DIAPH2: variants seen among roughly 807,000 people sequenced by gnomAD.
DIAPH2 encodes the protein protein diaphanous homolog 2.
DIAPH2 carries 35 observed loss-of-function variants against 92.7 expected under a neutral mutation model. The ratio of observed to expected loss-of-function variants is 0.38; its 90% CI spans 0.29 to 0.50. The LOEUF is 0.50. DIAPH2 is among the 20% of genes least tolerant of loss of function. The pLI, the probability that DIAPH2 is intolerant of heterozygous loss-of-function variation, is 0.94. For missense variants in DIAPH2, 701 were observed against 819.5 expected (o/e 0.86, Z 1.77); for synonymous variants, 301 against 280.4 (o/e 1.07, Z -0.73).
intron 26 of DIAPH2, among the ~76,000 whole-genome samples, chrX:97,506,393 C>T (rs1276981265): frequency 6.6e-5 from 7 of 106,423 alleles, no homozygotes; most frequent in Non-Finnish European, 9.6e-5. Context: ...TCAGGTGATC[C>T]GCCCACCTTG....
chrX:97,253,591 C>CA (rs1343877286), intron 23 of DIAPH2, among the ~76,000 whole-genome samples: 4 of 106,124 alleles, frequency 3.8e-5, no homozygotes, highest in South Asian at 4.2e-4. Flanking sequence ...ACTAAAACTA[C>CA]AAAAAAAAAT....
intron 9 of DIAPH2, among the ~76,000 whole-genome samples, chrX:96,923,736 G>A (rs1452855898): frequency 9.0e-6 from 1 of 110,840 alleles, no homozygotes; most frequent in African/African-American, 3.3e-5. Context: ...ACTGAAACTG[G>A]AATGCAAATG....
chrX:96,958,376 A>G (rs2065826119), intron 16 of DIAPH2, among the ~76,000 whole-genome samples: 1 of 112,176 alleles, frequency 8.9e-6, no homozygotes, highest in South Asian at 3.7e-4. Context: ...GTAGAGAATA[A>G]TATTTGAAAT....
At chrX:97,476,271 T>C (rs1248076498) in intron 26 of DIAPH2, among the ~76,000 whole-genome samples, 2 of 111,866 alleles carry the variant, frequency 1.8e-5, no homozygotes, top group Admixed American at 9.5e-5. Context: ...CCACACGGAG[T>C]TAAGAGAAGT....
intron 4 of DIAPH2, among the ~76,000 whole-genome samples, chrX:96,879,823 G>A (rs1354482901): frequency 1.8e-5 from 2 of 110,356 alleles, no homozygotes; most frequent in Non-Finnish European, 3.8e-5. Flanking sequence ...TCCACCTCCC[G>A]GGTTCAAGCT....
chrX:97,111,925 GAATCA>G (rs1273062975), intron 20 of DIAPH2, among the ~76,000 whole-genome samples: 1 of 112,242 alleles, frequency 8.9e-6, no homozygotes, highest in Non-Finnish European at 1.9e-5. Context: ...ATTGTTTTGA[GAATCA>G]AATCAGTTAA....
chrX:96,856,633 T>C (rs1185827543), intron 4 of DIAPH2, among the ~76,000 whole-genome samples: 1 of 110,343 alleles, frequency 9.1e-6, no homozygotes, highest in Non-Finnish European at 1.9e-5. Context: ...ATAAGCTTAC[T>C]GATCATTCAA....
chrX:97,387,187 T>C (rs2069611599), intron 25 of DIAPH2, among the ~76,000 whole-genome samples: 1 of 111,407 alleles, frequency 9.0e-6, no homozygotes, highest in Non-Finnish European at 1.9e-5. Context: ...GCAGAAAGAA[T>C]GTATTAGAAG....
chrX:97,208,518 A>G (rs2067815530), intron 22 of DIAPH2, among the ~76,000 whole-genome samples: 1 of 111,981 alleles, frequency 8.9e-6, no homozygotes, highest in South Asian at 3.7e-4. Flanking sequence ...ATTAGCTACT[A>G]TTAGATAAGG....
intron 5 of DIAPH2, among the ~76,000 whole-genome samples, chrX:96,909,025 C>A (rs914129980): frequency 8.9e-6 from 1 of 111,850 alleles, no homozygotes; most frequent in Non-Finnish European, 1.9e-5. Context: ...TGCTTCTCAG[C>A]AATCCATTGT....
intron 16 of DIAPH2, among the ~76,000 whole-genome samples, chrX:96,962,300 CATATATATAT>C (rs1295442738): frequency 0.3 from 18,413 of 60,974 alleles, 2,968 homozygotes; most frequent in South Asian, 0.43. Context: ...TATATATATA[CATATATATAT>C]ACATATATAT....
chrX:97,457,865 G>A (rs989750942), intron 26 of DIAPH2, among the ~76,000 whole-genome samples: 4 of 111,945 alleles, frequency 3.6e-5, no homozygotes, highest in East Asian at 2.8e-4. Flanking sequence ...AACAGGGAAC[G>A]AGCCCTTATC....
intron 1 of DIAPH2, among the ~76,000 whole-genome samples, chrX:96,734,812 A>C (rs1191300693): frequency 9.0e-6 from 1 of 110,554 alleles, no homozygotes; most frequent in Non-Finnish European, 1.9e-5. Context: ...CATTCACTTA[A>C]AACTCATAAT....
intron 5 of DIAPH2, among the ~76,000 whole-genome samples, chrX:96,894,518 G>C (rs2065329838): frequency 8.9e-6 from 1 of 111,746 alleles, no homozygotes; most frequent in Non-Finnish European, 1.9e-5. Context: ...TCGATATAGA[G>C]AATGCTTAAG....
intron 20 of DIAPH2, among the ~76,000 whole-genome samples, chrX:97,114,242 ATG>A (rs780390009): frequency 0.043 from 4,790 of 111,992 alleles, 95 homozygotes; most frequent in Middle Eastern, 0.065. Context: ...AAATTATTAA[ATG>A]CTCAATCAGA....
chrX:97,421,875 C>T (rs1486417589), intron 25 of DIAPH2, among the ~76,000 whole-genome samples: 1 of 111,285 alleles, frequency 9.0e-6, no homozygotes, highest in African/African-American at 3.3e-5. Context: ...ACCTATCCAA[C>T]TGTAACTCCT....
intron 17 of DIAPH2, among the ~76,000 whole-genome samples, chrX:97,042,158 G>C (rs184454732): frequency 9.0e-6 from 1 of 111,401 alleles, no homozygotes; most frequent in East Asian, 2.8e-4. Flanking sequence ...ATTAATCACT[G>C]CTTAGAATTT....
intron 1 of DIAPH2, among the ~76,000 whole-genome samples, chrX:96,705,624 A>G (rs774383194): frequency 5.3e-5 from 6 of 112,483 alleles, no homozygotes; most frequent in African/African-American, 1.9e-4. Flanking sequence ...AATGCTAATT[A>G]TAACCATCTC....
intron 17 of DIAPH2, among the ~76,000 whole-genome samples, chrX:96,993,756 A>G (rs2066087431): frequency 1.8e-5 from 2 of 112,290 alleles, no homozygotes; most frequent in Non-Finnish European, 3.8e-5. Context: ...TTCTATAAAG[A>G]GGCATGGAGG....
Sources: allele counts gnomAD v4.1 joint callset (sites outside exome capture counted in the v4.1 genomes callset), GRCh38; gene constraint gnomAD v4.1.1; transcripts MANE v1.5; gene names NCBI Gene and HGNC (gene_info 2026-07-23, HGNC 2026-07-21).